The following POLR2F variants were observed in gnomAD, a reference collection of about 807,000 sequenced individuals.
The protein encoded by POLR2F is RNA polymerase II, I and III subunit F.
A neutral mutation model predicts 22.7 loss-of-function variants in POLR2F; 12 were observed. The observed-to-expected ratio is 0.53, with a 90% CI of 0.34 to 0.86. The LOEUF is 0.86. Ranked by LOEUF, POLR2F falls within the 40% of genes least tolerant of loss-of-function variation. POLR2F has a pLI of 0.02. For synonymous variants in POLR2F, 57 were observed against 66.0 expected (o/e 0.86, Z 0.66); for missense variants, 126 against 171.5 (o/e 0.73, Z 1.48).
chr22:38,041,807 T>C (rs1280648545), downstream of POLR2F: 1 of 152,216 alleles, frequency 6.6e-6, no homozygotes. Flanking sequence ...ACTGTGAAAA[T>C]ATTGCACAAC....
downstream of POLR2F, among the ~76,000 whole-genome samples, chr22:38,028,140 G>A (rs1347496507): frequency 6.6e-6 from 1 of 152,154 alleles, no homozygotes; most frequent in Non-Finnish European, 1.5e-5. Flanking sequence ...CCCGCAGCTT[G>A]TTCTGTGTGT....
intron 5 of POLR2F, among the ~76,000 whole-genome samples, chr22:38,039,543 G>C (rs1443017697): frequency 6.6e-6 from 1 of 152,154 alleles, no homozygotes; most frequent in Non-Finnish European, 1.5e-5. Flanking sequence ...CGGTGCCCGG[G>C]GGAGGGGAAG....
chr22:37,956,714 G>A (rs1931415829), intron 1 of POLR2F, 59 bp from the exon 2 acceptor site: 1 of 1,339,884 alleles, frequency 7.5e-7, no homozygotes. Context: ...ACCGTGCCTG[G>A]CCCCTCTTTG....
At chr22:37,988,708 G>T (rs1311221358) in intron 1 of POLR2F, 2 of 154,280 alleles carry the variant, frequency 1.3e-5, no homozygotes, top group African/African-American at 2.4e-5. Flanking sequence ...TCCCACCCCA[G>T]ACTGGTTGAT....
At chr22:37,979,948 A>C (rs1160776315) in intron 4 of POLR2F, among the ~76,000 whole-genome samples, 1 of 151,882 alleles carries the variant, frequency 6.6e-6, no homozygotes, top group Non-Finnish European at 1.5e-5. Context: ...AGTCAGCAGA[A>C]GGCCGAGCCC....
At chr22:37,973,606 G>C (rs6000966), downstream of POLR2F, 1 of 1,613,180 alleles carries the variant, frequency 6.2e-7, no homozygotes, top group Non-Finnish European at 8.5e-7. Flanking sequence ...GCCGCTGCGA[G>C]GGCCCCATAT....
Position 37,978,810 on chromosome 22 carries a change from T to A in POLR2F, c.293+11640T>A, listed in dbSNP as rs1176946129. ...TTTTTTTTCTGTGAGGGAATCTCAC[T>A]CTGTCACCCATGCTAGAGCTCAGTG... On this transcript the variant is annotated intron_variant, in intron 4 of 4. Coordinates refer to the POLR2F transcript ENST00000405557. The surrounding 1 kb of genome is among the most constrained non-coding windows in gnomAD (Gnocchi z 5.0). Among the ~76,000 whole-genome samples, 2 of 152,076 alleles carry A rather than the reference T, an allele frequency of 1.3e-5. No homozygotes were observed. The highest frequency in any genetic ancestry group is 2.9e-5 in the Non-Finnish European group (2 of 68,004).
chr22:38,027,112 T>C (rs1044837276), downstream of POLR2F, among the ~76,000 whole-genome samples: 1 of 152,162 alleles, frequency 6.6e-6, no homozygotes, highest in Non-Finnish European at 1.5e-5. Context: ...GAGTGCGAGA[T>C]GGCATAGGGT....
chr22:37,977,970 A>C (rs2145768206), intron 4 of POLR2F: 1 of 1,611,758 alleles, frequency 6.2e-7, no homozygotes, highest in Non-Finnish European at 8.5e-7. Context: ...CGGCGGTCCC[A>C]CCTTGCTCGG....
exon 3 of POLR2F, chr22:38,026,307 G>A (rs576440274): frequency 3.8e-6 from 2 of 532,628 alleles, no homozygotes. Context: ...GCATGGACAA[G>A]TGAGAACAGA....
At chr22:38,025,960 A>G (rs1268816449) in exon 2 of POLR2F, 1 of 627,538 alleles carries the variant, frequency 1.6e-6, no homozygotes, top group Admixed American at 1.9e-5. Flanking sequence ...CTCTGAATCT[A>G]GAAGTCAACC....
rs1932290971 is a variant in POLR2F, at chr22:37,978,388, C to T, written c.293+11218C>T. ...GGCTGGAGGGTGAGAGAGGGGTCAG[C>T]CCGCTGCTCCTGGCAGCCCCTGAGG... is the stretch of plus-strand genomic sequence containing the variant. On this transcript the variant is annotated intron_variant, in intron 4 of 4. Transcript: ENST00000405557. This position sits in a 1 kb window ranked among gnomAD's most constrained non-coding sequence, Gnocchi z 5.0. Among the ~76,000 whole-genome samples the T allele has an allele frequency of 2.0e-5, 3 of 152,346 alleles. No homozygotes were observed. The South Asian group carries it at 6.2e-4, about 32-fold the overall frequency.
intron 5 of POLR2F, among the ~76,000 whole-genome samples, chr22:38,036,793 C>T (rs537648055): frequency 3.9e-5 from 6 of 152,062 alleles, no homozygotes; most frequent in African/African-American, 1.4e-4. Context: ...GCCCTCCAAC[C>T]CCACGTGTCT....
At chr22:38,039,911 G>C (rs1366020190) in intron 5 of POLR2F, among the ~76,000 whole-genome samples, 1 of 152,184 alleles carries the variant, frequency 6.6e-6, no homozygotes, top group African/African-American at 2.4e-5. Context: ...GTTGGGAAAG[G>C]AAGGCTTCCT....
intron 3 of POLR2F, among the ~76,000 whole-genome samples, chr22:37,960,557 C>G (rs1328567907): frequency 6.6e-6 from 1 of 152,138 alleles, no homozygotes; most frequent in Non-Finnish European, 1.5e-5. Flanking sequence ...GCCACCGTGC[C>G]CAGCTAGCTT....
At chr22:37,955,398 G>T (rs1330153490) in intron 1 of POLR2F, among the ~76,000 whole-genome samples, 1 of 151,860 alleles carries the variant, frequency 6.6e-6, no homozygotes, top group Non-Finnish European at 1.5e-5. Context: ...AATTAGCTGG[G>T]CATGGTGGCG....
Position 38,016,407 on chromosome 22 carries a change from G to C in POLR2F, c.121-9462G>C, listed in dbSNP as rs1025841092. On this transcript the variant is annotated intron_variant, in intron 1 of 2. Transcript: ENST00000333418. The surrounding 1 kb of genome is among the most constrained non-coding windows in gnomAD (Gnocchi z 4.4). ...CCAGGAAGTGCTGCGCTTGACACACGCCCCCATCCGCCACCTCCCAGAGAA... is the reference window on the plus strand; with the variant it reads ...CCAGGAAGTGCTGCGCTTGACACACCCCCCCATCCGCCACCTCCCAGAGAA... 4.5e-4 allele frequency among the ~76,000 whole-genome samples: 69 copies of C among 152,296 alleles called. No homozygotes were observed. Among genetic ancestry groups the C allele is most frequent in the African/African-American group, 1.6e-3 (65 of 41,556 alleles).
chr22:37,979,378 A>G (rs1443075887), intron 4 of POLR2F, among the ~76,000 whole-genome samples: 1 of 152,182 alleles, frequency 6.6e-6, no homozygotes, highest in Non-Finnish European at 1.5e-5. Flanking sequence ...GATTATAGGC[A>G]TGAGCCACCG....
chr22:38,015,232 C>T (rs1233790034), intron 1 of POLR2F, among the ~76,000 whole-genome samples: 3 of 152,328 alleles, frequency 2.0e-5, no homozygotes, highest in Non-Finnish European at 4.4e-5. Flanking sequence ...GAAAGTCAAA[C>T]TTCTATTGGA....
Sources: gnomAD v4.1 joint callset for allele counts (sites outside exome capture counted in the v4.1 genomes callset) on GRCh38, gnomAD v4.1.1 for gene constraint, Gnocchi (gnomAD v3.1) non-coding constraint, MANE v1.5 for transcripts, NCBI Gene and HGNC (gene_info 2026-07-23, HGNC 2026-07-21) for gene names.